The following MYBPC1 variants were observed in gnomAD, a reference collection of about 807,000 sequenced individuals.
MYBPC1 encodes myosin binding protein C1, also known as myosin-binding protein C, slow-type.
MYBPC1 carries 52 observed loss-of-function variants against 147.1 expected under a neutral mutation model. The ratio of observed to expected loss-of-function variants is 0.35; its 90% confidence interval spans 0.28 to 0.45. MYBPC1 has a LOEUF of 0.45. MYBPC1 is among the 20% of genes least tolerant of loss of function. The pLI is 1.00. For synonymous variants in MYBPC1, 477 were observed against 475.9 expected (o/e 1.00, Z -0.03); for missense variants, 1,228 against 1,440.3 (o/e 0.85, Z 2.39).
chr12:101,673,907 G>C (rs1899268055), intron 25 of MYBPC1, among the ~76,000 whole-genome samples: 1 of 152,116 alleles, frequency 6.6e-6, no homozygotes, highest in Non-Finnish European at 1.5e-5. Context: ...ACAAAAAGTA[G>C]CTGGGCATGG....
intron 10 of MYBPC1, among the ~76,000 whole-genome samples, chr12:101,637,604 T>C (rs1335814200): frequency 6.6e-6 from 1 of 152,124 alleles, no homozygotes; most frequent in African/African-American, 2.4e-5. Context: ...TTAAATTAAT[T>C]GTATATAATA....
chr12:101,618,339 C>A (rs931619588), intron 3 of MYBPC1, among the ~76,000 whole-genome samples: 2 of 152,168 alleles, frequency 1.3e-5, no homozygotes, highest in Admixed American at 1.3e-4. Flanking sequence ...TGGAGAGTAA[C>A]ATGAATACTA....
chr12:101,646,267 C>T (rs1439917405), intron 12 of MYBPC1, among the ~76,000 whole-genome samples: 1 of 150,732 alleles, frequency 6.6e-6, no homozygotes, highest in Non-Finnish European at 1.5e-5. Flanking sequence ...TATGCTTATA[C>T]ATTAAGTATT....
chr12:101,603,299 C>A (rs1382334649), intron 1 of MYBPC1, among the ~76,000 whole-genome samples: 1 of 151,406 alleles, frequency 6.6e-6, no homozygotes, highest in Non-Finnish European at 1.5e-5. Flanking sequence ...GAGCCAAGAT[C>A]GCGCCATTGC....
intron 10 of MYBPC1, among the ~76,000 whole-genome samples, chr12:101,642,063 A>G (rs1315756283): frequency 6.6e-6 from 1 of 152,228 alleles, no homozygotes. Context: ...CATATCCTAG[A>G]TGAAAACTGT....
In MYBPC1 at chr12:101,649,400, A is replaced by C; in HGVS notation, c.1337A>C (p.Gln446Pro). The C allele has an allele frequency of 6.2e-7, 1 of 1,613,968 alleles. No individual in the cohort carries two copies. The highest frequency in any genetic ancestry group is 1.3e-5 in the African/African-American group (1 of 75,050). ...AEYSVMTTGG[Q>P]SSAKLSVDLK... is the part of the protein sequence containing the mutation. ...TATTCAGTAATGACAACAGGAGGAC[A>C]ATCATCTGCTAAACTTAGTGTTGAC... The change falls in exon 15 of 32, where the codon CAA becomes CCA. Residue 446 changes from glutamine to proline, a missense_variant. This residue lies in a region of MYBPC1 where 1,077 missense variants were observed against 1,314.2 expected (regional missense o/e 0.82). Transcript: ENST00000361466.
At chr12:101,660,540 C>T (rs1020603733) in intron 19 of MYBPC1, 31 of 160,844 alleles carry the variant, frequency 1.9e-4, no homozygotes, top group African/African-American at 6.3e-4. Context: ...TGTTGGGACA[C>T]GGGTTTAAGG....
At chr12:101,681,568 ATATATATATATATATATATATATATTTTT>A (rs1411161564) in intron 29 of MYBPC1, among the ~76,000 whole-genome samples, 392 of 15,654 alleles carry the variant, frequency 0.025, 6 homozygotes, top group South Asian at 0.092. Context: ...ATATATATAT[ATATATATATATATATATATATATATTTTT>A]TTTTTTTTTT....
At chr12:101,687,173 A>G (rs180762854), downstream of MYBPC1, among the ~76,000 whole-genome samples, 264 of 152,148 alleles carry the variant, frequency 1.7e-3, 4 homozygotes, top group East Asian at 0.042. Flanking sequence ...TGCTGCACCC[A>G]TTAACTCATC....
chr12:101,607,488 C>A (rs1404774785), intron 1 of MYBPC1, among the ~76,000 whole-genome samples: 1 of 152,052 alleles, frequency 6.6e-6, no homozygotes, highest in Non-Finnish European at 1.5e-5. Context: ...GAATAGCATA[C>A]AATTTTCTCT....
intron 1 of MYBPC1, among the ~76,000 whole-genome samples, chr12:101,603,706 C>A (rs1392240894): frequency 6.6e-6 from 1 of 152,166 alleles, no homozygotes; most frequent in Admixed American, 6.5e-5. Flanking sequence ...TTTTGGGAGG[C>A]CAAGGCCAGA....
intron 1 of MYBPC1, among the ~76,000 whole-genome samples, chr12:101,606,345 G>A (rs920364448): frequency 5.9e-5 from 9 of 151,980 alleles, no homozygotes; most frequent in African/African-American, 1.9e-4. Flanking sequence ...AGTGAAAAAG[G>A]CAAATAATGT....
intron 21 of MYBPC1, among the ~76,000 whole-genome samples, chr12:101,663,141 T>A (rs931515808): frequency 6.6e-6 from 1 of 152,208 alleles, no homozygotes; most frequent in Non-Finnish European, 1.5e-5. Context: ...TTACTCTAGA[T>A]CATTAGATCC....
chr12:101,667,897 T>C lies in MYBPC1; in HGVS notation c.2522T>C (p.Ile841Thr), dbSNP rs761232017. The change falls in exon 23 of 32, where the codon ATA becomes ACA. Residue 841 changes from isoleucine to threonine, a missense_variant and splice_region_variant. Physicochemically the swap from Ile to Thr is moderately conservative, Grantham distance 89. Coordinates refer to ENST00000361466, the MANE Select transcript of MYBPC1 (RefSeq NM_002465.4). ...YSQPILVKEIIEPPKIRIPRH... is the reference protein window; with the variant it reads ...YSQPILVKEITEPPKIRIPRH... ...CAGCCCATTCTCGTGAAGGAAATCA[T>C]AGGTAGGAGACAAGGCTTTCAAAAG... 45 of 1,613,736 alleles carry C rather than the reference T, an allele frequency of 2.8e-5. No individual in the cohort carries two copies. The highest frequency in any genetic ancestry group is 3.6e-5 in the Non-Finnish European group (42 of 1,179,848).
intron 3 of MYBPC1, among the ~76,000 whole-genome samples, chr12:101,618,994 T>C (rs568701009): frequency 6.6e-6 from 1 of 152,068 alleles, no homozygotes; most frequent in East Asian, 1.9e-4. Context: ...GTGACATCCC[T>C]AAATAAAGAA....
At chr12:101,679,332 C>A (rs928741885) in intron 28 of MYBPC1, among the ~76,000 whole-genome samples, 1 of 151,992 alleles carries the variant, frequency 6.6e-6, no homozygotes, top group African/African-American at 2.4e-5. Flanking sequence ...GTTTGGGAGT[C>A]CCATACATAA....
intron 6 of MYBPC1, among the ~76,000 whole-genome samples, 191 bp from the exon 7 acceptor site, chr12:101,631,380 C>A (rs925127009): frequency 1.3e-5 from 2 of 152,108 alleles, no homozygotes; most frequent in Non-Finnish European, 2.9e-5. Context: ...ACCCCCACAG[C>A]AGAACAAGCT....
intron 10 of MYBPC1, 151 bp downstream of exon 10, chr12:101,636,879 AAGAG>A (rs2136119429): frequency 3.0e-6 from 2 of 673,416 alleles, no homozygotes; most frequent in East Asian, 5.5e-5. Flanking sequence ...GTTGACTAGA[AAGAG>A]AGAAACAACT....
rs17511481 is a variant in MYBPC1 at position 101,659,897 on chromosome 12, C to T, written c.1927+66C>T. ...CATGTCAAGATTCAGAGTAGACTTT[C>T]CTTCTTTGTCCTTTCCTTCCATTTC... is the stretch of plus-strand genomic sequence containing the variant. On this transcript the variant is annotated intron_variant, in intron 19 of 31. Transcript: ENST00000361466. 0.26 allele frequency: 414,147 copies of T among 1,569,034 alleles called. 57,007 individuals carry two copies. The highest frequency in any genetic ancestry group is 0.32 in the Middle Eastern group (1,922 of 5,970).
Sources: gnomAD v4.1 joint callset for allele counts (sites outside exome capture counted in the v4.1 genomes callset) on GRCh38, gnomAD v4.1.1 for gene constraint, gnomAD v4.1.1 regional missense constraint, MANE v1.5 for transcripts, NCBI Gene and HGNC (gene_info 2026-07-23, HGNC 2026-07-21) for gene names.